Variants in PAPSS2 observed in about 807,000 individuals in gnomAD.
PAPSS2 encodes bifunctional 3'-phosphoadenosine 5'-phosphosulfate synthase 2.
Under a neutral mutation model 66.5 loss-of-function variants are expected in PAPSS2, and 61 were observed. The ratio of observed to expected loss-of-function variants is 0.92; its 90% CI spans 0.75 to 1.14. PAPSS2 has a LOEUF of 1.14. Among genes scored for constraint, PAPSS2 ranks in the 50% most tolerant of loss-of-function variants. The probability of loss-of-function intolerance (pLI) is 0.00; values close to 1 mark genes in which losing one functional copy is unlikely to be tolerated. For synonymous variants in PAPSS2, 289 were observed against 287.5 expected (o/e 1.01, Z -0.05); for missense variants, 708 against 789.6 (o/e 0.90, Z 1.24).
chr10:87,731,347 T>G (rs1853726195), intron 9 of PAPSS2, among the ~76,000 whole-genome samples: 1 of 152,228 alleles, frequency 6.6e-6, no homozygotes, highest in South Asian at 2.1e-4. Context: ...TTTCAAAATA[T>G]CACTGCTAAT....
chr10:87,662,322 T>C (rs1852762452), intron 1 of PAPSS2, among the ~76,000 whole-genome samples: 1 of 152,196 alleles, frequency 6.6e-6, no homozygotes, highest in Non-Finnish European at 1.5e-5. Flanking sequence ...GAATATTGCC[T>C]TTCAGTTCAG....
chr10:87,734,426 TG>T (rs1853767878), intron 9 of PAPSS2, among the ~76,000 whole-genome samples: 1 of 151,840 alleles, frequency 6.6e-6, no homozygotes, highest in Non-Finnish European at 1.5e-5. Context: ...AATGTCAATA[TG>T]GGGGCCACTG....
chr10:87,692,041 C>T (rs1853177435), intron 1 of PAPSS2, among the ~76,000 whole-genome samples: 1 of 152,156 alleles, frequency 6.6e-6, no homozygotes, highest in African/African-American at 2.4e-5. Context: ...GTCAGGAAGA[C>T]TTCTGGGAGC....
chr10:87,721,669 TA>T, intron 7 of PAPSS2, 86 bp from the exon 8 acceptor site: 1 of 855,414 alleles, frequency 1.2e-6, no homozygotes, highest in Non-Finnish European at 1.9e-6. Flanking sequence ...AGTGTCATAA[TA>T]GGAATTTGTT....
Position 87,713,638 on chromosome 10 carries a change from C to T in PAPSS2, c.381+328C>T, listed in dbSNP as rs193237751. The stretch of plus-strand genomic sequence containing the variant: ...TCTAAACCTCTGTAATTTTAGTTGT[C>T]GGAAAAAGGATCTAGTTAAAGAAAA... On this transcript the variant is annotated intron_variant, in intron 3 of 12. Transcript: ENST00000456849. Among the ~76,000 whole-genome samples the T allele has an allele frequency of 2.2e-4, 33 of 152,190 alleles. No individual in the cohort carries two copies. The East Asian group carries it at 5.4e-3, about 25-fold the overall frequency.
chr10:87,662,519 T>G (rs1171071235), intron 1 of PAPSS2, among the ~76,000 whole-genome samples: 1 of 152,012 alleles, frequency 6.6e-6, no homozygotes, highest in African/African-American at 2.4e-5. Flanking sequence ...CCTTCATCAT[T>G]TCCACCCCTC....
intron 1 of PAPSS2, among the ~76,000 whole-genome samples, chr10:87,688,333 G>A (rs959703267): frequency 5.3e-5 from 8 of 151,562 alleles, no homozygotes; most frequent in Non-Finnish European, 1.2e-4. Context: ...TTATAAATTC[G>A]TCAAATCTCA....
At chr10:87,699,114 A>T (rs1224209888) in intron 1 of PAPSS2, among the ~76,000 whole-genome samples, 20 of 152,234 alleles carry the variant, frequency 1.3e-4, no homozygotes, top group Non-Finnish European at 5.9e-5. Context: ...AAAAGCTGTT[A>T]TACCTTCATG....
rs773771667 is a variant in PAPSS2, at chr10:87,745,214, C to T, written c.1704C>T (p.Asp568=). 5.6e-6 allele frequency: 9 copies of T among 1,612,770 alleles called. No individual in the cohort carries two copies. The highest frequency in any genetic ancestry group is 2.2e-5 in the East Asian group (1 of 44,810). ...ACAACAAAGCCAAAAAAGCCATGGA[C>T]TTCTATGATCCAGCAAGGTAGGTTT... The part of the protein sequence containing the change: ...AAYNKAKKAM[D]FYDPARHNEF... Residue 568 remains aspartate, a synonymous_variant, in exon 12 of 13, where the codon GAC becomes GAT. Coordinates refer to ENST00000456849, the MANE Select transcript of PAPSS2 (RefSeq NM_001015880.2).
Position 87,743,595 on chromosome 10 carries a change from T to C in PAPSS2, c.1445T>C (p.Ile482Thr), listed in dbSNP as rs1401307805. ...EEGVLDPKST[I>T]VAIFPSPMLY... Reference sequence around the variant, plus strand: ...GGGGTCCTGGATCCCAAGTCAACCATTGTTGCCATCTTTCCGTCTCCCATG... The same window carrying C: ...GGGGTCCTGGATCCCAAGTCAACCACTGTTGCCATCTTTCCGTCTCCCATG... The change falls in exon 11 of 13, where the codon ATT becomes ACT. Residue 482 changes from isoleucine (I) to threonine (T), a missense_variant. Ile to Thr is a moderately conservative substitution (Grantham distance 89). Transcript: ENST00000456849. 3.7e-6 allele frequency: 6 copies of C among 1,613,984 alleles called. No homozygotes were observed. The highest frequency in any genetic ancestry group is 4.5e-5 in the East Asian group (2 of 44,878).
chr10:87,741,197 C>A (rs1853863729), intron 9 of PAPSS2, 38 bp from the exon 10 acceptor site: 1 of 1,608,054 alleles, frequency 6.2e-7, no homozygotes, highest in Non-Finnish European at 8.5e-7. Context: ...ATAGAAATCA[C>A]AATTAATCAT....
chr10:87,660,045 G>T (rs1030128930), intron 1 of PAPSS2, 37 bp downstream of exon 1: 2 of 1,596,942 alleles, frequency 1.3e-6, no homozygotes, highest in Admixed American at 1.7e-5. Flanking sequence ...CCCCGCCACC[G>T]CACTGCACGC....
At position 87,682,913 on chromosome 10, in the gene PAPSS2, G is replaced by C. The variant is rs141855310; in HGVS notation, c.27+22905G>C. 4.5e-3 allele frequency among the ~76,000 whole-genome samples: 678 copies of C among 152,280 alleles called. 1 individual carries two copies. The highest frequency in any genetic ancestry group is 0.015 in the African/African-American group (641 of 41,544). ...ACCAGGAAAGGAGGATAGAGAGCAA[G>C]GGAGGTTTTAAGTGGGAGATGCTGC... On this transcript the variant is annotated intron_variant, in intron 1 of 12. Transcript: ENST00000456849.
chr10:87,690,439 G>C (rs1274824113), intron 1 of PAPSS2, among the ~76,000 whole-genome samples: 1 of 152,210 alleles, frequency 6.6e-6, no homozygotes. Context: ...GAAGTGAGGA[G>C]GAGGGAGGCT....
At chr10:87,661,360 GT>G (rs920389505) in intron 1 of PAPSS2, among the ~76,000 whole-genome samples, 31 of 152,164 alleles carry the variant, frequency 2.0e-4, no homozygotes, top group African/African-American at 6.5e-4. Flanking sequence ...TAATTTTTAA[GT>G]GGGGGACTCT....
chr10:87,695,983 C>T (rs1477006064), intron 1 of PAPSS2, among the ~76,000 whole-genome samples: 1 of 152,176 alleles, frequency 6.6e-6, no homozygotes, highest in Non-Finnish European at 1.5e-5. Flanking sequence ...GTCTTTCCAC[C>T]TGCTATCTCC....
At chr10:87,745,440 T>A (rs1301752332) in intron 12 of PAPSS2, among the ~76,000 whole-genome samples, 1 of 152,196 alleles carries the variant, frequency 6.6e-6, no homozygotes, top group African/African-American at 2.4e-5. Context: ...TCCATAAATA[T>A]TTCTCTTTCA....
At chr10:87,680,545 C>A (rs1404956927) in intron 1 of PAPSS2, among the ~76,000 whole-genome samples, 1 of 152,134 alleles carries the variant, frequency 6.6e-6, no homozygotes, top group Non-Finnish European at 1.5e-5. Context: ...CCTCCTCAGT[C>A]ACTTTGAATG....
intron 9 of PAPSS2, among the ~76,000 whole-genome samples, chr10:87,733,443 T>A (rs79944874): frequency 1.7e-3 from 266 of 152,354 alleles, no homozygotes; most frequent in Middle Eastern, 0.017. Context: ...ATGCTCTTGG[T>A]GAGGAAAGTA....
Sources: gnomAD v4.1 joint callset for allele counts (sites outside exome capture counted in the v4.1 genomes callset) on GRCh38, gnomAD v4.1.1 for gene constraint, MANE v1.5 for transcripts, NCBI Gene and HGNC (gene_info 2026-07-23, HGNC 2026-07-21) for gene names.